The following CYP4F3 variants were observed in gnomAD, a reference collection of about 807,000 sequenced individuals.
CYP4F3 encodes the protein cytochrome P450 4F3.
Under a neutral mutation model 54.8 loss-of-function variants are expected in CYP4F3, and 50 were observed. That is an observed-to-expected ratio of 0.91 (90% confidence interval 0.73 to 1.16). The LOEUF (loss-of-function observed/expected upper bound fraction) is 1.16. Ranked by LOEUF, CYP4F3 falls within the 50% of genes most tolerant of loss-of-function variation. The probability of loss-of-function intolerance (pLI) is 0.00; values close to 1 mark genes in which losing one functional copy is unlikely to be tolerated. For synonymous variants in CYP4F3, 244 were observed against 262.6 expected (o/e 0.93, Z 0.69); for missense variants, 715 against 676.2 (o/e 1.06, Z -0.64).
Position 15,641,503 on chromosome 19 carries a change from C to A in CYP4F3, c.88C>A (p.Leu30Ile). The change falls in exon 2 of 13, where the codon CTC becomes ATC. Residue 30 changes from leucine (L) to isoleucine (I), a missense_variant. Coordinates refer to ENST00000221307, the MANE Select transcript of CYP4F3 (RefSeq NM_000896.3). ...CCTGCTGCTGGTTGGGGCCTCCTGG[C>A]TCCTGGCCCGCATCCTGGCCTGGAC... ...LLLLLVGASW[L>I]LARILAWTYT... The A allele has an allele frequency of 6.2e-7, 1 of 1,614,182 alleles. No homozygotes were observed.
rs55874846 is a variant in CYP4F3, at chr19:15,651,372, C to CT, written c.919-1184dup. ...GTCAATGCTATATCTATATCTTTGT[C>CT]TTTTTTTTTTTTTGAGATGGAGTCT... On this transcript the variant is annotated intron_variant, in intron 7 of 12. Coordinates refer to ENST00000221307, the MANE Select transcript of CYP4F3 (RefSeq NM_000896.3). Among the ~76,000 whole-genome samples, 333 of 118,538 alleles carry CT rather than the reference C, an allele frequency of 2.8e-3. 49 individuals are homozygous for CT. Among genetic ancestry groups the CT allele is most frequent in the Middle Eastern group, 0.022 (5 of 232 alleles). 77.8% of individuals were successfully genotyped at this position (118,538 alleles called of 152,430 possible).
chr19:15,645,469 A>G (rs953206458), intron 2 of CYP4F3, among the ~76,000 whole-genome samples: 20 of 152,140 alleles, frequency 1.3e-4, no homozygotes, highest in African/African-American at 4.3e-4. Context: ...GGAAAATGGG[A>G]TGAATGAGAG....
At position 15,652,860 on chromosome 19, in the gene CYP4F3, G is replaced by A. The variant is rs767299743; in HGVS notation, c.1023G>A (p.Leu341=). Residue 341 remains leucine (L), a synonymous_variant, in exon 9 of 13, where the codon CTG becomes CTA. Coordinates refer to ENST00000221307, the MANE Select transcript of CYP4F3 (RefSeq NM_000896.3). ...CAGCCAGTGGTCTCTCCTGGGTCCT[G>A]TACCACCTTGCAAAGCACCCGGAAT... The part of the protein sequence containing the change: ...DTTASGLSWV[L]YHLAKHPEYQ... 6.2e-7 allele frequency: 1 copy of A among 1,613,830 alleles called. No homozygotes were observed.
chr19:15,644,743 T>A (rs1972574975), intron 2 of CYP4F3, among the ~76,000 whole-genome samples: 1 of 152,200 alleles, frequency 6.6e-6, no homozygotes, highest in Admixed American at 6.5e-5. Context: ...AAAAGGAGAC[T>A]CCAGCCTAGT....
At chr19:15,654,034 G>A (rs2144665980) in intron 9 of CYP4F3, among the ~76,000 whole-genome samples, 1 of 152,212 alleles carries the variant, frequency 6.6e-6, no homozygotes, top group South Asian at 2.1e-4. Flanking sequence ...GAGAGGACCA[G>A]CTATAGAATG....
rs1258189481 is a variant in CYP4F3 at position 15,662,026 on chromosome 19, A to T, written c.*2641A>T. On this transcript the variant is annotated 3_prime_UTR_variant, in exon 13 of 13. Coordinates refer to ENST00000221307, the MANE Select transcript of CYP4F3 (RefSeq NM_000896.3). ...GGTAGCTCACACCTGTAATCCCAGC[A>T]CTTTAGGAGGTCAAGGTGGGCAGAT... 2 of 151,946 alleles carry T rather than the reference A, an allele frequency of 1.3e-5. No individual in the cohort carries two copies. Among genetic ancestry groups the T allele is most frequent in the Non-Finnish European group, 2.9e-5 (2 of 67,998 alleles). The allele number at this position is 151,946 out of a possible 1,614,324, so 9.4% of individuals were successfully genotyped here.
rs1568406829 is a variant in CYP4F3, at chr19:15,662,195, C to G, written c.*2810C>G. 1 of 143,408 alleles carries G rather than the reference C, an allele frequency of 7.0e-6. No individual in the cohort carries two copies. The highest frequency in any genetic ancestry group is 1.5e-5 in the Non-Finnish European group (1 of 67,196). 8.9% of individuals were successfully genotyped at this position (143,408 alleles called of 1,614,324 possible). A position where few individuals can be genotyped will look rare whatever the true frequency, so the allele number is the denominator to read the frequency against. On this transcript the variant is annotated 3_prime_UTR_variant, in exon 13 of 13. Transcript: ENST00000221307. ...CTGAGGCAGGAGAATCGCTTGAACC[C>G]AGGAGTCAGAGGTTTCAGTGAGCCG...
At position 15,652,922 on chromosome 19, in the gene CYP4F3, T is replaced by C; in HGVS notation, c.1085T>C (p.Leu362Pro). 1 of 1,612,050 alleles carries C rather than the reference T, an allele frequency of 6.2e-7. No individual in the cohort carries two copies. The change falls in exon 9 of 13, where the codon CTG becomes CCG. Residue 362 changes from leucine (L) to proline (P), a missense_variant. Coordinates refer to ENST00000221307, the MANE Select transcript of CYP4F3 (RefSeq NM_000896.3). ...ERCRQEVQEL[L>P]KDREPKEIEW... ...TGTCGGCAGGAGGTGCAAGAGCTTC[T>C]GAAGGACCGTGAGCCTAAAGAGATT...
At chr19:15,648,533 C>G (rs1972695793) in intron 5 of CYP4F3, among the ~76,000 whole-genome samples, 1 of 152,092 alleles carries the variant, frequency 6.6e-6, no homozygotes, top group Non-Finnish European at 1.5e-5. Flanking sequence ...GTGCTCAGGA[C>G]TCATGGAGGA....
At chr19:15,652,738 C>T (rs1392000617) in intron 8 of CYP4F3, 85 bp from the exon 9 acceptor site, 2 of 1,604,466 alleles carry the variant, frequency 1.2e-6, no homozygotes, top group African/African-American at 2.7e-5. Context: ...CCCCCATCCT[C>T]CCTGAGGTCC....
chr19:15,658,371 T>C lies in CYP4F3; in HGVS notation c.1223T>C (p.Leu408Pro). The C allele has an allele frequency of 6.2e-7, 1 of 1,614,074 alleles. No individual in the cohort carries two copies. Among genetic ancestry groups the C allele is most frequent in the Non-Finnish European group, 8.5e-7 (1 of 1,180,004 alleles). The change falls in exon 10 of 13, where the codon CTC becomes CCC. Residue 408 changes from leucine (L) to proline (P), a missense_variant. Leu to Pro is a moderately conservative substitution (Grantham distance 98). Transcript: ENST00000221307. ...CGCTGCTGCACCCAAGACATTGTGC[T>C]CCCAGACGGCCGGGTCATCCCCAAA... Reference protein sequence around the residue: ...VSRCCTQDIVLPDGRVIPKGI... With the variant: ...VSRCCTQDIVPPDGRVIPKGI...
At chr19:15,645,649 T>G in intron 2 of CYP4F3, 70 bp from the exon 3 acceptor site, 1 of 1,509,144 alleles carries the variant, frequency 6.6e-7, no homozygotes, top group South Asian at 1.3e-5. Flanking sequence ...GGCTTCCACC[T>G]CTTCCCTGCA....
intron 9 of CYP4F3, among the ~76,000 whole-genome samples, chr19:15,653,925 A>G (rs1568400809): frequency 6.8e-6 from 1 of 147,328 alleles, no homozygotes; most frequent in South Asian, 2.2e-4. Context: ...TTTTAGCCCA[A>G]GGGCAATAGG....
Position 15,645,816 on chromosome 19 carries a change from T to C in CYP4F3, c.296T>C (p.Val99Ala). The C allele has an allele frequency of 6.2e-7, 1 of 1,613,944 alleles. No individual in the cohort carries two copies. The highest frequency in any genetic ancestry group is 8.5e-7 in the Non-Finnish European group (1 of 1,179,896). ...TGGGTGGGGCCCTGGCACGCAATCGTCCGCATCTTCCACCCCACCTACATC... is the reference window on the plus strand; with the variant it reads ...TGGGTGGGGCCCTGGCACGCAATCGCCCGCATCTTCCACCCCACCTACATC... ...CWWVGPWHAI[V>A]RIFHPTYIKP... Residue 99 changes from valine to alanine, a missense_variant, in exon 3 of 13, where the codon GTC (valine) becomes GCC (alanine). Transcript: ENST00000221307.
rs1370653185 is a variant in CYP4F3, at chr19:15,661,471, C to T, written c.*2086C>T. ...CTTATGGGTATGCTGTGGCATATCCCTGAGATTTTAATTCGCATTTTCCAG... is the reference window on the plus strand; with the variant it reads ...CTTATGGGTATGCTGTGGCATATCCTTGAGATTTTAATTCGCATTTTCCAG... On this transcript the variant is annotated 3_prime_UTR_variant, in exon 13 of 13. Transcript: ENST00000221307. The T allele has an allele frequency of 6.6e-6, 1 of 152,178 alleles. No individual in the cohort carries two copies. Among genetic ancestry groups the T allele is most frequent in the Non-Finnish European group, 1.5e-5 (1 of 68,026 alleles). 9.4% of individuals were successfully genotyped at this position (152,178 alleles called of 1,614,324 possible). A position where few individuals can be genotyped will look rare whatever the true frequency, so the allele number is the denominator to read the frequency against.
intron 9 of CYP4F3, among the ~76,000 whole-genome samples, chr19:15,654,964 G>A (rs998002319): frequency 1.3e-5 from 2 of 152,114 alleles, no homozygotes; most frequent in Non-Finnish European, 2.9e-5. Flanking sequence ...CTCTGCAGTG[G>A]CTGCACTAAT....
chr19:15,658,047 C>A, intron 9 of CYP4F3: 1 of 907,102 alleles, frequency 1.1e-6, no homozygotes, highest in Non-Finnish European at 1.3e-6. Flanking sequence ...TTCTCTTATT[C>A]TCATGTCTTT....
intron 5 of CYP4F3, 79 bp downstream of exon 5, chr19:15,647,403 G>T: frequency 6.3e-7 from 1 of 1,590,648 alleles, no homozygotes; most frequent in South Asian, 1.1e-5. Flanking sequence ...TGGAATTTTG[G>T]CTCTGCTGGG....
chr19:15,642,381 T>G lies in CYP4F3; in HGVS notation c.198+768T>G, dbSNP rs141017427. Among the ~76,000 whole-genome samples the G allele has an allele frequency of 4.5e-3, 688 of 152,298 alleles. 1 individual carries two copies. Among genetic ancestry groups the G allele is most frequent in the Non-Finnish European group, 7.9e-3 (539 of 68,018 alleles). ...GTCATGATGGACAGTTAGAGTCACC[T>G]CTGCTCCCCTAGTGACTGCTGAGAA... On this transcript the variant is annotated intron_variant, in intron 2 of 12. Coordinates refer to ENST00000221307, the MANE Select transcript of CYP4F3 (RefSeq NM_000896.3).
Sources: gnomAD v4.1 joint callset for allele counts (sites outside exome capture counted in the v4.1 genomes callset) on GRCh38, gnomAD v4.1.1 for gene constraint, MANE v1.5 for transcripts, NCBI Gene and HGNC (gene_info 2026-07-23, HGNC 2026-07-21) for gene names.